PDE4B: variants seen among roughly 807,000 people sequenced by gnomAD.
The protein encoded by PDE4B is 3',5'-cyclic-AMP phosphodiesterase 4B.
A neutral mutation model predicts 82.2 loss-of-function variants in PDE4B; 20 were observed. That is an observed-to-expected ratio of 0.24 (90% confidence interval 0.17 to 0.35). The LOEUF is 0.35. PDE4B is among the 10% of genes least tolerant of loss of function. The pLI, the probability that PDE4B is intolerant of heterozygous loss-of-function variation, is 1.00. For missense variants in PDE4B, 655 were observed against 907.2 expected, an observed-to-expected ratio of 0.72 and a Z score of 3.57; for synonymous variants, 320 against 318.9, an observed-to-expected ratio of 1.00 and a Z score of -0.04.
At chr1:66,348,541 A>G (rs1280533762) in intron 8 of PDE4B, among the ~76,000 whole-genome samples, 1 of 152,052 alleles carries the variant, frequency 6.6e-6, no homozygotes, top group Non-Finnish European at 1.5e-5. Flanking sequence ...GAAAATTTTG[A>G]AAAGTTTAAA....
intron 1 of PDE4B, among the ~76,000 whole-genome samples, chr1:65,799,051 T>A (rs909304736): frequency 2.6e-5 from 4 of 152,218 alleles, no homozygotes; most frequent in Admixed American, 2.6e-4. Flanking sequence ...CATAAGCAAC[T>A]TGCTGATATT....
At chr1:65,927,718 C>T (rs1176436627) in intron 3 of PDE4B, among the ~76,000 whole-genome samples, 1 of 151,908 alleles carries the variant, frequency 6.6e-6, no homozygotes, top group Admixed American at 6.6e-5. Context: ...ACAGTCCCTC[C>T]AGGGATGCGA....
chr1:65,909,717 G>A (rs1420637177), intron 1 of PDE4B, among the ~76,000 whole-genome samples: 1 of 152,132 alleles, frequency 6.6e-6, no homozygotes, highest in African/African-American at 2.4e-5. Flanking sequence ...ATGGTGTTTT[G>A]CTTATTCAGA....
chr1:66,088,644 C>CT (rs1644949263), intron 3 of PDE4B, among the ~76,000 whole-genome samples: 1 of 151,970 alleles, frequency 6.6e-6, no homozygotes, highest in East Asian at 1.9e-4. Context: ...GTTAATTTAT[C>CT]TTTTTTCAAT....
rs11438074 is a variant in PDE4B at position 65,819,499 on chromosome 1, G to GTT, written c.-71+26254_-71+26255dup. ...TCTGCTTATTCTCTTGTTTGTTTTT[G>GTT]TTTTGTTTTTTTTTTTTTTTGAGAC... is the stretch of plus-strand genomic sequence containing the variant. On this transcript the variant is annotated intron_variant, in intron 1 of 16. Transcript: ENST00000341517. 4.1e-3 allele frequency among the ~76,000 whole-genome samples: 598 copies of GTT among 145,302 alleles called. 8 individuals carry two copies. The highest frequency in any genetic ancestry group is 0.015 in the African/African-American group (577 of 38,556).
intron 1 of PDE4B, among the ~76,000 whole-genome samples, chr1:65,872,887 T>C (rs954506079): frequency 6.6e-6 from 1 of 152,192 alleles, no homozygotes; most frequent in Non-Finnish European, 1.5e-5. Flanking sequence ...TTTTCCCACT[T>C]TACTGATAAA....
chr1:65,967,943 A>G (rs566042915), intron 3 of PDE4B, among the ~76,000 whole-genome samples: 139 of 152,170 alleles, frequency 9.1e-4, no homozygotes, highest in African/African-American at 3.2e-3. Context: ...GGTGCAACAA[A>G]CCACCATGGC....
At position 66,059,668 on chromosome 1, in the gene PDE4B, C is replaced by T. The variant is rs940747327; in HGVS notation, c.281+140833C>T. Among the ~76,000 whole-genome samples the T allele has an allele frequency of 1.5e-4, 23 of 152,256 alleles. 1 individual carries two copies. Among genetic ancestry groups the T allele is most frequent in the Middle Eastern group, 3.4e-3 (1 of 294 alleles). On this transcript the variant is annotated intron_variant, in intron 3 of 16. Transcript: ENST00000341517. ...GACGTATTCACTATCATGAGAATAA[C>T]GCAGAAAAGACCTGCCCCCATGATT... is the stretch of plus-strand genomic sequence containing the variant.
intron 7 of PDE4B, among the ~76,000 whole-genome samples, chr1:66,286,678 A>C (rs769068561): frequency 6.6e-6 from 1 of 152,124 alleles, no homozygotes; most frequent in Non-Finnish European, 1.5e-5. Flanking sequence ...CAACATAAAC[A>C]TGGGAAAACT....
intron 3 of PDE4B, among the ~76,000 whole-genome samples, chr1:66,117,436 A>G (rs1645617978): frequency 6.6e-6 from 1 of 152,192 alleles, no homozygotes; most frequent in Admixed American, 6.5e-5. Flanking sequence ...AGACCTTCAC[A>G]AGCCATAATT....
At chr1:65,899,801 G>A (rs991573207) in intron 1 of PDE4B, among the ~76,000 whole-genome samples, 5 of 151,784 alleles carry the variant, frequency 3.3e-5, no homozygotes, top group Non-Finnish European at 5.9e-5. Flanking sequence ...AACATCATAC[G>A]TTCTCACTCA....
At chr1:66,191,047 A>G (rs1357352511) in intron 3 of PDE4B, among the ~76,000 whole-genome samples, 1 of 152,156 alleles carries the variant, frequency 6.6e-6, no homozygotes, top group Non-Finnish European at 1.5e-5. Context: ...AAGAGTTGAA[A>G]TATATTTATA....
At chr1:66,080,587 G>A (rs1656671558) in intron 3 of PDE4B, among the ~76,000 whole-genome samples, 1 of 152,086 alleles carries the variant, frequency 6.6e-6, no homozygotes, top group Non-Finnish European at 1.5e-5. Flanking sequence ...AACAAAGTGG[G>A]AAAAGCATGT....
At chr1:66,211,334 CA>C (rs1351795820) in intron 3 of PDE4B, among the ~76,000 whole-genome samples, 5 of 152,296 alleles carry the variant, frequency 3.3e-5, no homozygotes, top group East Asian at 1.9e-4. Flanking sequence ...GAGTATTTCA[CA>C]CCTTTGCCTC....
intron 7 of PDE4B, among the ~76,000 whole-genome samples, chr1:66,301,869 A>G (rs1657920258): frequency 6.6e-6 from 1 of 152,050 alleles, no homozygotes; most frequent in Non-Finnish European, 1.5e-5. Context: ...TGACTTTGTG[A>G]TGGGAGAGAT....
chr1:66,088,719 T>C (rs1458416534), intron 3 of PDE4B, among the ~76,000 whole-genome samples: 21 of 152,184 alleles, frequency 1.4e-4, no homozygotes, highest in Admixed American at 6.6e-4. Flanking sequence ...CTAGTAGTCA[T>C]TGGGGCTTTT....
At chr1:65,909,924 A>G (rs1647068955) in intron 1 of PDE4B, among the ~76,000 whole-genome samples, 1 of 152,198 alleles carries the variant, frequency 6.6e-6, no homozygotes, top group Non-Finnish European at 1.5e-5. Flanking sequence ...ATCAGAAAAA[A>G]AAGATATAAA....
At chr1:66,241,251 AG>A (rs1652867436) in intron 3 of PDE4B, among the ~76,000 whole-genome samples, 1 of 152,206 alleles carries the variant, frequency 6.6e-6, no homozygotes, top group Non-Finnish European at 1.5e-5. Context: ...GCTCTATATT[AG>A]GCTGGCTGTG....
intron 6 of PDE4B, among the ~76,000 whole-genome samples, chr1:66,261,762 G>C (rs1654701020): frequency 6.6e-6 from 1 of 152,162 alleles, no homozygotes; most frequent in Non-Finnish European, 1.5e-5. Flanking sequence ...ATGCTTGATT[G>C]GACCTGTATT....
Sources: allele counts gnomAD v4.1 joint callset (sites outside exome capture counted in the v4.1 genomes callset), GRCh38; gene constraint gnomAD v4.1.1; transcripts MANE v1.5; gene names NCBI Gene and HGNC (gene_info 2026-07-23, HGNC 2026-07-21).